Variants in CAMKMT observed in about 807,000 individuals in gnomAD.
The protein encoded by CAMKMT is calmodulin-lysine N-methyltransferase.
In CAMKMT, 53 loss-of-function variants were observed where a neutral mutation model predicts 48.0. The ratio of observed to expected loss-of-function variants is 1.10; its 90% CI spans 0.89 to 1.39. CAMKMT has a LOEUF of 1.39. Ranked by LOEUF, CAMKMT falls within the 40% of genes most tolerant of loss-of-function variation. The pLI, the probability that CAMKMT is intolerant of heterozygous loss-of-function variation, is 0.00. For synonymous variants in CAMKMT, 165 were observed against 152.3 expected, an observed-to-expected ratio of 1.08 and a Z score of -0.61; for missense variants, 428 against 402.7, an observed-to-expected ratio of 1.06 and a Z score of -0.54.
intron 3 of CAMKMT, among the ~76,000 whole-genome samples, chr2:44,481,282 A>G (rs1372467972): frequency 6.6e-6 from 1 of 152,108 alleles, no homozygotes; most frequent in Non-Finnish European, 1.5e-5. Flanking sequence ...TTGTAATATT[A>G]TATGTTCATA....
At chr2:44,518,876 G>A (rs921358393) in intron 3 of CAMKMT, among the ~76,000 whole-genome samples, 2 of 152,154 alleles carry the variant, frequency 1.3e-5, no homozygotes, top group African/African-American at 2.4e-5. Flanking sequence ...ATGCTGAAGT[G>A]TTGAAGGTTG....
At chr2:44,747,808 A>G (rs944826223) in intron 8 of CAMKMT, among the ~76,000 whole-genome samples, 17 of 152,228 alleles carry the variant, frequency 1.1e-4, no homozygotes, top group African/African-American at 4.1e-4. Flanking sequence ...TTGTTGGAAA[A>G]TCTGTGATTC....
rs527757763 is a variant in CAMKMT, at chr2:44,728,922, G to A, written c.623+13569G>A. 2.1e-5 allele frequency among the ~76,000 whole-genome samples: 3 copies of A among 145,872 alleles called. No homozygotes were observed. The South Asian group carries it at 6.6e-4, about 32-fold the overall frequency. ...GGATTTTCTATTTCTTAATCTGGGT[G>A]GTGGTTAGAAGGGTGTTTGCCTGAT... On this transcript the variant is annotated intron_variant, in intron 7 of 10. Transcript: ENST00000378494.
chr2:44,397,732 G>A (rs2104436197), intron 3 of CAMKMT, among the ~76,000 whole-genome samples: 2 of 152,260 alleles, frequency 1.3e-5, no homozygotes, highest in Non-Finnish European at 2.9e-5. Context: ...GAAGGAAAAA[G>A]AAGTCTCTTT....
chr2:44,735,388 T>G (rs1679301834), intron 7 of CAMKMT, among the ~76,000 whole-genome samples: 1 of 152,194 alleles, frequency 6.6e-6, no homozygotes. Context: ...GTCATTTTAC[T>G]ATTTGTTTTG....
chr2:44,726,396 T>C (rs1314847420), intron 7 of CAMKMT, among the ~76,000 whole-genome samples: 1 of 152,212 alleles, frequency 6.6e-6, no homozygotes, highest in Non-Finnish European at 1.5e-5. Context: ...CTGGCATTTT[T>C]TATATGTTTG....
chr2:44,668,710 G>A (rs1675151348), intron 3 of CAMKMT, among the ~76,000 whole-genome samples: 1 of 151,940 alleles, frequency 6.6e-6, no homozygotes, highest in Admixed American at 6.6e-5. Context: ...TCCCAATAGT[G>A]TGCCCTTACC....
intron 2 of CAMKMT, among the ~76,000 whole-genome samples, chr2:44,384,650 T>C (rs1219441953): frequency 2.6e-5 from 4 of 152,110 alleles, no homozygotes; most frequent in African/African-American, 9.7e-5. Flanking sequence ...CCATCCTAAG[T>C]TGATTTTTTA....
chr2:44,626,016 T>A (rs1672459636), intron 3 of CAMKMT, among the ~76,000 whole-genome samples: 1 of 152,180 alleles, frequency 6.6e-6, no homozygotes, highest in South Asian at 2.1e-4. Context: ...ATATAAATGT[T>A]AGAATCAGGT....
chr2:44,626,767 A>G (rs1284739817), intron 3 of CAMKMT, among the ~76,000 whole-genome samples: 1 of 152,150 alleles, frequency 6.6e-6, no homozygotes, highest in Non-Finnish European at 1.5e-5. Context: ...CAACATATGA[A>G]TTTTGGGGGG....
At chr2:44,690,520 T>A (rs758675899) in intron 3 of CAMKMT, among the ~76,000 whole-genome samples, 12 of 152,216 alleles carry the variant, frequency 7.9e-5, no homozygotes, top group Non-Finnish European at 1.3e-4. Flanking sequence ...CGCTTCAGCT[T>A]ACTATTCTGT....
chr2:44,723,472 T>C (rs572895298), intron 7 of CAMKMT, among the ~76,000 whole-genome samples: 2 of 151,984 alleles, frequency 1.3e-5, no homozygotes, highest in South Asian at 4.2e-4. Context: ...GCACCTGTAA[T>C]CCGAGCTACT....
At chr2:44,703,589 C>T (rs12712922) in intron 3 of CAMKMT, among the ~76,000 whole-genome samples, 5,971 of 152,036 alleles carry the variant, frequency 0.039, 165 homozygotes, top group Non-Finnish European at 0.061. Flanking sequence ...ACCAGCTTGA[C>T]CAACATGGTG....
chr2:44,684,851 A>T (rs1676245442), intron 3 of CAMKMT, among the ~76,000 whole-genome samples: 1 of 152,198 alleles, frequency 6.6e-6, no homozygotes, highest in African/African-American at 2.4e-5. Flanking sequence ...GTGAAAGTGG[A>T]TTGAGTGCAA....
intron 3 of CAMKMT, among the ~76,000 whole-genome samples, chr2:44,530,503 T>C (rs767539007): frequency 1.7e-4 from 26 of 152,314 alleles, no homozygotes; most frequent in Non-Finnish European, 3.5e-4. Flanking sequence ...GTTGGCATTT[T>C]ATCTAGAAAA....
chr2:44,467,560 A>AT (rs1374361944), intron 3 of CAMKMT, among the ~76,000 whole-genome samples: 2 of 151,876 alleles, frequency 1.3e-5, no homozygotes, highest in Non-Finnish European at 2.9e-5. Flanking sequence ...ACAAAAAAAA[A>AT]CAAAGCCAAA....
At chr2:44,742,639 T>C (rs1280374875) in intron 7 of CAMKMT, among the ~76,000 whole-genome samples, 1 of 152,134 alleles carries the variant, frequency 6.6e-6, no homozygotes, top group African/African-American at 2.4e-5. Flanking sequence ...CTTTTCTACC[T>C]TGAGAAATTT....
At chr2:44,554,226 G>A (rs1572784980) in intron 3 of CAMKMT, among the ~76,000 whole-genome samples, 1 of 152,180 alleles carries the variant, frequency 6.6e-6, no homozygotes, top group African/African-American at 2.4e-5. Context: ...GTTTTGTGAG[G>A]GAGATAGACA....
At chr2:44,504,997 G>A (rs949008434) in intron 3 of CAMKMT, among the ~76,000 whole-genome samples, 1 of 152,136 alleles carries the variant, frequency 6.6e-6, no homozygotes, top group Admixed American at 6.6e-5. Flanking sequence ...AGGTCATGTG[G>A]TGAGGGGTGG....
Sources: allele counts gnomAD v4.1 joint callset (sites outside exome capture counted in the v4.1 genomes callset), GRCh38; gene constraint gnomAD v4.1.1; transcripts MANE v1.5; gene names NCBI Gene and HGNC (gene_info 2026-07-23, HGNC 2026-07-21).